Variants in EVI5 observed in about 807,000 individuals in gnomAD.
The protein encoded by EVI5 is ecotropic viral integration site 5, also known as ecotropic viral integration site 5 protein homolog.
Under a neutral mutation model 112.0 loss-of-function variants are expected in EVI5, and 73 were observed. The observed-to-expected ratio is 0.65, with a 90% CI of 0.54 to 0.79. EVI5 has a LOEUF of 0.79. Among genes scored for constraint, EVI5 ranks in the 30% least tolerant of loss-of-function variants. The probability of loss-of-function intolerance (pLI) is 0.00; values close to 1 mark genes in which losing one functional copy is unlikely to be tolerated. For missense variants in EVI5, 900 were observed against 968.8 expected (o/e 0.93, Z 0.94); for synonymous variants, 305 against 319.9 (o/e 0.95, Z 0.50).
chr1:92,574,233 T>C (rs562066142), intron 18 of EVI5, among the ~76,000 whole-genome samples: 85 of 152,274 alleles, frequency 5.6e-4, no homozygotes, highest in Middle Eastern at 6.8e-3. Flanking sequence ...GCCCAGGATG[T>C]GTCACATATT....
intron 16 of EVI5, among the ~76,000 whole-genome samples, chr1:92,623,126 A>G (rs943250061): frequency 6.6e-6 from 1 of 152,246 alleles, no homozygotes; most frequent in Non-Finnish European, 1.5e-5. Flanking sequence ...GATTACAAAA[A>G]TAAAACTTCC....
intron 18 of EVI5, among the ~76,000 whole-genome samples, chr1:92,570,481 A>G (rs1670175702): frequency 6.6e-6 from 1 of 152,202 alleles, no homozygotes; most frequent in Non-Finnish European, 1.5e-5. Context: ...AGTATCTTTG[A>G]ATCTCGTCCT....
rs1483548396 is a variant in EVI5 at position 92,624,623 on chromosome 1, A to G, written c.1669-289T>C. On this transcript the variant is annotated intron_variant, in intron 15 of 19. Coordinates refer to ENST00000684568, the MANE Select transcript of EVI5 (RefSeq NM_001350197.2). The stretch of plus-strand genomic sequence containing the variant: ...TTTGGGAGGCCAAGGCGGGCAGATC[A>G]CCTGAGGTCAGGAGTTTGAGATCAG... Among the ~76,000 whole-genome samples the G allele has an allele frequency of 2.1e-5, 3 of 140,438 alleles. No homozygotes were observed. In the East Asian group the frequency reaches 6.5e-4, roughly 30 times the overall value. 92.1% of individuals were successfully genotyped at this position (140,438 alleles called of 152,430 possible). A position where few individuals can be genotyped will look rare whatever the true frequency, so the allele number is the denominator to read the frequency against.
intron 12 of EVI5, among the ~76,000 whole-genome samples, chr1:92,663,071 A>G (rs1664299925): frequency 6.6e-6 from 1 of 152,254 alleles, no homozygotes. Context: ...TCACCTGACA[A>G]GAACAATTCT....
intron 2 of EVI5, among the ~76,000 whole-genome samples, chr1:92,722,507 T>C (rs1439271411): frequency 7.6e-6 from 1 of 131,336 alleles, no homozygotes; most frequent in Non-Finnish European, 1.6e-5. Flanking sequence ...GATGTTCCCC[T>C]TCCTGTGTCC....
Position 92,625,862 on chromosome 1 carries a change from C to T in EVI5, c.1600G>A (p.Glu534Lys). 6.2e-7 allele frequency: 1 copy of T among 1,612,342 alleles called. No homozygotes were observed. The highest frequency in any genetic ancestry group is 1.1e-5 in the South Asian group (1 of 91,008). The stretch of plus-strand genomic sequence containing the variant: ...TTCAAACCCATAATGGCTTCTGCTT[C>T]TCTAAGTTTCACAGCAATGAGTTCT... Reference protein sequence around the residue: ...QEELIAVKLREAEAIMGLKEL... With the variant: ...QEELIAVKLRKAEAIMGLKEL... Residue 534 changes from glutamate (E) to lysine (K), a missense_variant, in exon 15 of 20, where the codon GAA (glutamate) becomes AAA (lysine). Physicochemically the swap from Glu to Lys is moderately conservative, Grantham distance 56. Coordinates refer to ENST00000684568, the MANE Select transcript of EVI5 (RefSeq NM_001350197.2).
At chr1:92,784,633 G>GGGC (rs71586764) in intron 1 of EVI5, 32 of 306,970 alleles carry the variant, frequency 1.0e-4, no homozygotes, top group Admixed American at 5.2e-4. Flanking sequence ...GGAGGGCTGC[G>GGGC]GGCGGCGGCG....
intron 16 of EVI5, among the ~76,000 whole-genome samples, chr1:92,616,449 C>T (rs1653173191): frequency 6.6e-6 from 1 of 152,168 alleles, no homozygotes; most frequent in South Asian, 2.1e-4. Context: ...TCATGAACAG[C>T]AGCGGCAAAG....
At chr1:92,605,877 T>G (rs1158616806) in intron 17 of EVI5, among the ~76,000 whole-genome samples, 1 of 152,206 alleles carries the variant, frequency 6.6e-6, no homozygotes, top group African/African-American at 2.4e-5. Context: ...ATTATAATAC[T>G]AAATGAAAAT....
chr1:92,524,054 G>A (rs1047686931), intron 19 of EVI5, among the ~76,000 whole-genome samples: 4 of 147,638 alleles, frequency 2.7e-5, no homozygotes, highest in Middle Eastern at 3.6e-3. Flanking sequence ...CCGAGATAGC[G>A]CCACTGCACT....
intron 18 of EVI5, among the ~76,000 whole-genome samples, chr1:92,571,086 A>C (rs1047237931): frequency 2.6e-5 from 4 of 151,760 alleles, no homozygotes; most frequent in African/African-American, 9.7e-5. Flanking sequence ...AAATTTAATA[A>C]AGCTTAATGT....
At chr1:92,733,572 A>T (rs1034152104) in intron 2 of EVI5, among the ~76,000 whole-genome samples, 6 of 145,772 alleles carry the variant, frequency 4.1e-5, no homozygotes, top group African/African-American at 1.5e-4. Flanking sequence ...CACCCAGCTA[A>T]TTTTTTTTTT....
At chr1:92,677,356 A>C (rs1666921748) in intron 9 of EVI5, 138 bp from the exon 10 acceptor site, 1 of 500,930 alleles carries the variant, frequency 2.0e-6, no homozygotes, top group Admixed American at 4.0e-5. Flanking sequence ...GAGATATTTG[A>C]TGTGAGAAAA....
chr1:92,768,023 T>C (rs1193076643), intron 1 of EVI5, among the ~76,000 whole-genome samples: 1 of 147,320 alleles, frequency 6.8e-6, no homozygotes, highest in Non-Finnish European at 1.5e-5. Flanking sequence ...GAGGTTGCAG[T>C]GAGCCAAGAT....
intron 1 of EVI5, among the ~76,000 whole-genome samples, chr1:92,783,246 C>T (rs1247721721): frequency 6.6e-6 from 1 of 152,006 alleles, no homozygotes; most frequent in Non-Finnish European, 1.5e-5. Flanking sequence ...ACCACCTGGG[C>T]CAGGTGCGCT....
chr1:92,629,289 T>G (rs1202025115), intron 14 of EVI5, among the ~76,000 whole-genome samples: 1 of 152,216 alleles, frequency 6.6e-6, no homozygotes, highest in African/African-American at 2.4e-5. Flanking sequence ...TTCTGTTTCA[T>G]TAAGAAAATA....
intron 9 of EVI5, among the ~76,000 whole-genome samples, chr1:92,689,381 T>A (rs948085550): frequency 6.6e-6 from 1 of 152,160 alleles, no homozygotes; most frequent in Non-Finnish European, 1.5e-5. Flanking sequence ...ACTTTTTTTT[T>A]AGACAGGGTC....
chr1:92,659,532 C>T (rs1663608540), intron 13 of EVI5, among the ~76,000 whole-genome samples: 1 of 151,880 alleles, frequency 6.6e-6, no homozygotes, highest in African/African-American at 2.4e-5. Flanking sequence ...AAATTAAAAC[C>T]ACAATGAGAT....
At chr1:92,561,608 C>CCTATCTATCTATCTATCTAT (rs80355191) in intron 19 of EVI5, among the ~76,000 whole-genome samples, 2 of 132,140 alleles carry the variant, frequency 1.5e-5, no homozygotes, top group Non-Finnish European at 3.2e-5. Flanking sequence ...TCTAATCTAT[C>CCTATCTATCTATCTATCTAT]CTATCTATCT....
Sources: gnomAD v4.1 joint callset for allele counts (sites outside exome capture counted in the v4.1 genomes callset) on GRCh38, gnomAD v4.1.1 for gene constraint, MANE v1.5 for transcripts, NCBI Gene and HGNC (gene_info 2026-07-23, HGNC 2026-07-21) for gene names.